The following SLC9A9 variants were observed in gnomAD, a reference collection of about 807,000 sequenced individuals.
The protein encoded by SLC9A9 is sodium/hydrogen exchanger 9.
In SLC9A9, 62 loss-of-function variants were observed where a neutral mutation model predicts 77.8. The ratio of observed to expected loss-of-function variants is 0.80; its 90% CI spans 0.65 to 0.98. The LOEUF is 0.98. SLC9A9 is among the 50% of genes least tolerant of loss of function. The pLI is 0.00. For missense variants in SLC9A9, 775 were observed against 774.9 expected (o/e 1.00, Z 0.00); for synonymous variants, 320 against 283.5 (o/e 1.13, Z -1.29).
intron 2 of SLC9A9, among the ~76,000 whole-genome samples, chr3:143,800,574 C>T (rs1407653865): frequency 6.6e-6 from 1 of 152,186 alleles, no homozygotes; most frequent in Non-Finnish European, 1.5e-5. Flanking sequence ...CCACTTATCC[C>T]AGTCTCTCTT....
chr3:143,357,450 T>C (rs2032624914), intron 14 of SLC9A9, among the ~76,000 whole-genome samples: 1 of 152,192 alleles, frequency 6.6e-6, no homozygotes, highest in Non-Finnish European at 1.5e-5. Context: ...CATCCTTTGC[T>C]ATCTCTCCTG....
At chr3:143,512,202 GAAAGTTTGTATAATC>G (rs576786445) in intron 9 of SLC9A9, among the ~76,000 whole-genome samples, 45 of 152,342 alleles carry the variant, frequency 3.0e-4, no homozygotes, top group Non-Finnish European at 5.1e-4. Context: ...TGGTGGCACT[GAAAGTTTGTATAATC>G]ATCCAGCACG....
chr3:143,567,839 A>G (rs1383358651), intron 8 of SLC9A9, among the ~76,000 whole-genome samples: 1 of 152,148 alleles, frequency 6.6e-6, no homozygotes, highest in Non-Finnish European at 1.5e-5. Context: ...AACACTGCAA[A>G]CTGTCTTTAA....
chr3:143,658,235 A>G (rs144405102), intron 5 of SLC9A9, among the ~76,000 whole-genome samples: 149 of 152,340 alleles, frequency 9.8e-4, no homozygotes, highest in African/African-American at 3.4e-3. Context: ...CCTAATTGCA[A>G]AAGGTTTTGA....
chr3:143,282,530 G>A (rs1938253044), intron 14 of SLC9A9, among the ~76,000 whole-genome samples: 1 of 152,168 alleles, frequency 6.6e-6, no homozygotes, highest in Non-Finnish European at 1.5e-5. Flanking sequence ...CTATGGAGGT[G>A]TTCTATTTCC....
At chr3:143,747,334 G>A (rs1396079813) in intron 4 of SLC9A9, among the ~76,000 whole-genome samples, 3 of 151,560 alleles carry the variant, frequency 2.0e-5, no homozygotes, top group African/African-American at 4.9e-5. Context: ...CTACTGGAAG[G>A]TGGGGGTTGC....
At chr3:143,824,959 A>T (rs772385225) in intron 2 of SLC9A9, among the ~76,000 whole-genome samples, 1 of 152,224 alleles carries the variant, frequency 6.6e-6, no homozygotes, top group Non-Finnish European at 1.5e-5. Flanking sequence ...ATTTACTGCC[A>T]AACTTGACAT....
intron 9 of SLC9A9, among the ~76,000 whole-genome samples, chr3:143,527,264 A>C (rs988086453): frequency 2.6e-5 from 4 of 152,364 alleles, no homozygotes; most frequent in African/African-American, 7.2e-5. Context: ...GGTAAGATTC[A>C]TAAACTTCAG....
chr3:143,814,943 T>C (rs974310952), intron 2 of SLC9A9, among the ~76,000 whole-genome samples: 1 of 152,004 alleles, frequency 6.6e-6, no homozygotes, highest in Non-Finnish European at 1.5e-5. Context: ...TCTGGGCCTT[T>C]CACAGGGCAG....
chr3:143,462,370 C>CA (rs548135519), intron 12 of SLC9A9, among the ~76,000 whole-genome samples: 1,455 of 145,020 alleles, frequency 0.01, 7 homozygotes, highest in East Asian at 0.047. Context: ...AAGACACTCT[C>CA]AAAAAAAAAA....
chr3:143,834,571 C>CTTT (rs5853131), intron 1 of SLC9A9, among the ~76,000 whole-genome samples: 4,450 of 116,716 alleles, frequency 0.038, 171 homozygotes, highest in Non-Finnish European at 0.049. Context: ...GCGAGGCACT[C>CTTT]TTTTTTTTTT....
chr3:143,594,175 A>G (rs902936708), intron 6 of SLC9A9, among the ~76,000 whole-genome samples: 2 of 152,266 alleles, frequency 1.3e-5, no homozygotes, highest in Non-Finnish European at 2.9e-5. Context: ...ACAGTACGCT[A>G]GCAAGATATA....
At chr3:143,744,925 G>GGT (rs1195137393) in intron 4 of SLC9A9, among the ~76,000 whole-genome samples, 3 of 152,156 alleles carry the variant, frequency 2.0e-5, no homozygotes, top group African/African-American at 7.2e-5. Context: ...CCTTGGATAT[G>GGT]GTAGACAGCC....
intron 6 of SLC9A9, among the ~76,000 whole-genome samples, chr3:143,642,351 TAATC>T (rs2038638500): frequency 6.6e-6 from 1 of 152,234 alleles, no homozygotes; most frequent in Non-Finnish European, 1.5e-5. Flanking sequence ...TTCACAACAA[TAATC>T]AATCAAATAT....
intron 12 of SLC9A9, among the ~76,000 whole-genome samples, chr3:143,429,049 A>G (rs1265460046): frequency 6.6e-6 from 1 of 152,104 alleles, no homozygotes; most frequent in Non-Finnish European, 1.5e-5. Flanking sequence ...TAACTAGAAG[A>G]TTTTCAGTGT....
At chr3:143,598,226 C>G (rs2037790594) in intron 6 of SLC9A9, among the ~76,000 whole-genome samples, 1 of 152,174 alleles carries the variant, frequency 6.6e-6, no homozygotes, top group African/African-American at 2.4e-5. Context: ...TAATAAGTAG[C>G]TGCAGCTGTT....
In SLC9A9 at chr3:143,578,706, C is replaced by G. The variant is rs202211921; in HGVS notation, c.773G>C (p.Ser258Thr). ...IVLTYSISIY[S>T]PKENPNAFDA... ...AAATGCATTTGGATTCTCCTTGGGA[C>G]TGTAAATGGATATAGAACTGAAAAG... Residue 258 changes from serine to threonine, a missense_variant, in exon 7 of 16, where the codon AGT (serine) becomes ACT (threonine). Transcript: ENST00000316549. The G allele has an allele frequency of 1.2e-6, 2 of 1,613,982 alleles. No individual in the cohort carries two copies. Among genetic ancestry groups the G allele is most frequent in the East Asian group, 2.2e-5 (1 of 44,858 alleles).
intron 12 of SLC9A9, among the ~76,000 whole-genome samples, chr3:143,401,362 T>C (rs2033856578): frequency 6.6e-6 from 1 of 152,310 alleles, no homozygotes; most frequent in East Asian, 1.9e-4. Flanking sequence ...CCTGGGGTAC[T>C]GCACTATTCC....
chr3:143,746,567 GT>G (rs1198157982), intron 4 of SLC9A9, among the ~76,000 whole-genome samples: 1 of 152,118 alleles, frequency 6.6e-6, no homozygotes, highest in African/African-American at 2.4e-5. Flanking sequence ...CAATCAATGT[GT>G]TTTAGAGTTT....
Sources: gnomAD v4.1 joint callset for allele counts (sites outside exome capture counted in the v4.1 genomes callset) on GRCh38, gnomAD v4.1.1 for gene constraint, MANE v1.5 for transcripts, NCBI Gene and HGNC (gene_info 2026-07-23, HGNC 2026-07-21) for gene names.